Variants in NCKAP5 observed in about 807,000 individuals in gnomAD.
NCKAP5 encodes NCK associated protein 5.
A neutral mutation model predicts 167.0 loss-of-function variants in NCKAP5; 92 were observed. The ratio of observed to expected loss-of-function variants is 0.55; its 90% CI spans 0.47 to 0.66. NCKAP5 has a LOEUF of 0.66. Ranked by LOEUF, NCKAP5 falls within the 30% of genes least tolerant of loss-of-function variation. NCKAP5 has a pLI of 0.00. For missense variants in NCKAP5, 2,378 were observed against 2,315.0 expected (o/e 1.03, Z -0.56); for synonymous variants, 891 against 877.4 (o/e 1.02, Z -0.27).
intron 6 of NCKAP5, among the ~76,000 whole-genome samples, chr2:133,080,818 T>C (rs1402278870): frequency 1.3e-5 from 2 of 152,042 alleles, no homozygotes; most frequent in East Asian, 1.9e-4. Context: ...TCGAGTACTG[T>C]AATGAAGTGA....
chr2:132,971,044 T>C (rs1195509519), intron 7 of NCKAP5, among the ~76,000 whole-genome samples: 1 of 152,246 alleles, frequency 6.6e-6, no homozygotes. Context: ...GAGCAGTTCC[T>C]ACATGCTAGG....
chr2:132,874,885 C>A (rs1016131163), intron 9 of NCKAP5, among the ~76,000 whole-genome samples: 1 of 143,884 alleles, frequency 7.0e-6, no homozygotes, highest in Non-Finnish European at 1.5e-5. Context: ...TTGAGAAACA[C>A]TGGGATATGG....
chr2:133,572,930 T>C (rs1266381946), upstream of NCKAP5, among the ~76,000 whole-genome samples: 2 of 152,192 alleles, frequency 1.3e-5, no homozygotes, highest in African/African-American at 4.8e-5. Flanking sequence ...CAGATGACCT[T>C]CTAGTCTACA....
chr2:133,193,291 G>A (rs559303264), intron 5 of NCKAP5, among the ~76,000 whole-genome samples: 5 of 151,756 alleles, frequency 3.3e-5, no homozygotes, highest in South Asian at 4.1e-4. Context: ...AAAGCACAAC[G>A]TAAGGGATCC....
chr2:133,043,494 C>T (rs1020204132), intron 6 of NCKAP5, among the ~76,000 whole-genome samples: 1 of 152,036 alleles, frequency 6.6e-6, no homozygotes, highest in Non-Finnish European at 1.5e-5. Context: ...ACATAAAATA[C>T]ACTAACACTA....
At chr2:133,071,305 C>A (rs1025698908) in intron 6 of NCKAP5, among the ~76,000 whole-genome samples, 13 of 152,068 alleles carry the variant, frequency 8.5e-5, no homozygotes, top group Admixed American at 8.5e-4. Context: ...ATTAGCCGGG[C>A]GTAGTGGCGG....
At chr2:133,437,960 A>G (rs1321089800) in intron 3 of NCKAP5, among the ~76,000 whole-genome samples, 1 of 152,212 alleles carries the variant, frequency 6.6e-6, no homozygotes, top group Non-Finnish European at 1.5e-5. Flanking sequence ...TCATTTGAAG[A>G]AGGGATTTGC....
chr2:133,107,134 C>T (rs1037532799), intron 6 of NCKAP5, among the ~76,000 whole-genome samples: 5 of 152,180 alleles, frequency 3.3e-5, no homozygotes, highest in African/African-American at 1.2e-4. Context: ...GCTCTTCTGC[C>T]TGCAGGTGAA....
intron 11 of NCKAP5, among the ~76,000 whole-genome samples, chr2:132,853,778 C>A (rs1271494758): frequency 6.6e-6 from 1 of 152,100 alleles, no homozygotes; most frequent in African/African-American, 2.4e-5. Flanking sequence ...TCTCACTGGC[C>A]ACAGGAAGAA....
At chr2:133,069,635 G>A (rs924245920) in intron 6 of NCKAP5, among the ~76,000 whole-genome samples, 1 of 152,040 alleles carries the variant, frequency 6.6e-6, no homozygotes, top group African/African-American at 2.4e-5. Context: ...ACTAGATGAC[G>A]GTATCTCCGT....
At chr2:133,280,760 T>C (rs1384882337) in intron 4 of NCKAP5, among the ~76,000 whole-genome samples, 1 of 152,234 alleles carries the variant, frequency 6.6e-6, no homozygotes, top group Non-Finnish European at 1.5e-5. Flanking sequence ...AATAGCGCTT[T>C]ATTGGAATAG....
intron 11 of NCKAP5, among the ~76,000 whole-genome samples, chr2:132,847,474 G>A (rs891610290): frequency 1.3e-5 from 2 of 152,144 alleles, no homozygotes; most frequent in Non-Finnish European, 2.9e-5. Context: ...TCACTCCAAA[G>A]CCCTTGTTCT....
chr2:132,846,625 T>A (rs1180385153), intron 11 of NCKAP5, among the ~76,000 whole-genome samples: 4 of 152,200 alleles, frequency 2.6e-5, no homozygotes, highest in Non-Finnish European at 5.9e-5. Flanking sequence ...ACTTTTAACA[T>A]TCAATGACTT....
intron 6 of NCKAP5, among the ~76,000 whole-genome samples, chr2:133,050,453 G>T (rs775092157): frequency 1.3e-5 from 2 of 152,134 alleles, no homozygotes; most frequent in Admixed American, 6.6e-5. Context: ...AACTTTGCAC[G>T]ATTTGAAATC....
chr2:133,161,365 T>A (rs2083787916), intron 5 of NCKAP5, among the ~76,000 whole-genome samples: 1 of 152,206 alleles, frequency 6.6e-6, no homozygotes, highest in Non-Finnish European at 1.5e-5. Context: ...ACCCTATATA[T>A]GTTTATTGAA....
chr2:133,074,479 G>T (rs998065921), intron 6 of NCKAP5, among the ~76,000 whole-genome samples: 7 of 152,076 alleles, frequency 4.6e-5, no homozygotes, highest in Admixed American at 3.9e-4. Context: ...TCCCACCTCA[G>T]CCTCCTGAGT....
In NCKAP5 at chr2:132,783,982, G is replaced by T; in HGVS notation, c.2829C>A (p.Pro943=). The change falls in exon 14 of 20, where the codon CCC becomes CCA. Residue 943 remains proline, a synonymous_variant. Transcript: ENST00000409261. ...PGRSVSLLAR[P]SYDYSPAPSS... is the part of the protein sequence containing the mutation. ...AAGGTGCTGGTGAATAGTCATAGCT[G>T]GGCCTGGCCAGCAGGGAGACGGACC... The T allele has an allele frequency of 1.3e-6, 2 of 1,595,634 alleles. No homozygotes were observed. The highest frequency in any genetic ancestry group is 1.7e-6 in the Non-Finnish European group (2 of 1,172,756).
intron 11 of NCKAP5, among the ~76,000 whole-genome samples, chr2:132,856,534 C>T (rs1314103582): frequency 6.6e-6 from 1 of 152,032 alleles, no homozygotes; most frequent in African/African-American, 2.4e-5. Context: ...CTAACTTGGC[C>T]TAAGGATATC....
chr2:133,608,990 T>TA, the NCKAP5 span, among the ~76,000 whole-genome samples: 4 of 152,232 alleles, frequency 2.6e-5, no homozygotes. Flanking sequence ...TTGCACAAAC[T>TA]ATCTAATCAG....
Sources: gnomAD v4.1 joint callset for allele counts (sites outside exome capture counted in the v4.1 genomes callset) on GRCh38, gnomAD v4.1.1 for gene constraint, MANE v1.5 for transcripts, NCBI Gene and HGNC (gene_info 2026-07-23, HGNC 2026-07-21) for gene names.